The following LRP5 variants were observed in gnomAD, a reference collection of about 807,000 sequenced individuals.
LRP5 encodes the protein LDL receptor related protein 5, also known as low-density lipoprotein receptor-related protein 5.
Under a neutral mutation model 154.1 loss-of-function variants are expected in LRP5, and 62 were observed. The observed-to-expected ratio is 0.40, with a 90% CI of 0.33 to 0.50. The LOEUF (loss-of-function observed/expected upper bound fraction) is 0.50, where lower values mean the gene tolerates loss of function less well. Among genes scored for constraint, LRP5 ranks in the 20% least tolerant of loss-of-function variants. The probability of loss-of-function intolerance (pLI) is 0.55; values close to 1 mark genes in which losing one functional copy is unlikely to be tolerated. For synonymous variants in LRP5, 966 were observed against 1,011.5 expected, an observed-to-expected ratio of 0.96 and a Z score of 0.85; for missense variants, 1,915 against 2,336.7, an observed-to-expected ratio of 0.82 and a Z score of 3.72.
chr11:68,383,689 G>A (rs1203714857), intron 5 of LRP5, among the ~76,000 whole-genome samples: 1 of 152,246 alleles, frequency 6.6e-6, no homozygotes, highest in Non-Finnish European at 1.5e-5. Flanking sequence ...GAGAGCAGGG[G>A]GCTTGTGCCA....
intron 1 of LRP5, among the ~76,000 whole-genome samples, chr11:68,328,979 A>G (rs2098601256): frequency 6.6e-6 from 1 of 152,132 alleles, no homozygotes; most frequent in South Asian, 2.1e-4. Context: ...GGGGTACCTG[A>G]GGGATCCGTG....
rs192473358 is a variant in LRP5, at chr11:68,391,454, G to T, written c.1584+1402G>T. Among the ~76,000 whole-genome samples the T allele has an allele frequency of 1.8e-4, 27 of 152,360 alleles. No individual in the cohort carries two copies. In the East Asian group the frequency reaches 4.2e-3, roughly 24 times the overall value. On this transcript the variant is annotated intron_variant, in intron 7 of 22. Transcript: ENST00000294304. ...AGTCCTTGTTGACGTCACCATCGGG[G>T]TCACCTTTGCTCTCCTCAGGGCTCC...
rs527384209 is a variant in LRP5, at chr11:68,383,613, C to T, written c.1016-2703C>T. On this transcript the variant is annotated intron_variant, in intron 5 of 22. Transcript: ENST00000294304. ...CAGCAGGCCCCAGAGGTTTCGGTCT[C>T]GGATTCTCCCTGCTCATCCCTGGAT... is the stretch of plus-strand genomic sequence containing the variant. Among the ~76,000 whole-genome samples, 240 of 152,348 alleles carry T rather than the reference C, an allele frequency of 1.6e-3. 1 individual carries two copies. The highest frequency in any genetic ancestry group is 5.1e-3 in the African/African-American group (212 of 41,580).
chr11:68,389,593 C>T (rs1395314767), intron 6 of LRP5, among the ~76,000 whole-genome samples: 1 of 149,412 alleles, frequency 6.7e-6, no homozygotes, highest in African/African-American at 2.5e-5. Flanking sequence ...CCAACACTGA[C>T]ATTTACCGAC....
chr11:68,449,216 G>A lies in LRP5; in HGVS notation c.*146G>A. ...AATGTGAACTGTGATGGGGTGGGCA[G>A]GGCTGGGAGAACTTTGTACAGTGGA... On this transcript the variant is annotated 3_prime_UTR_variant, in exon 23 of 23. Transcript: ENST00000294304. 1 of 507,388 alleles carries A rather than the reference G, an allele frequency of 2.0e-6. No individual in the cohort carries two copies. The highest frequency in any genetic ancestry group is 3.2e-6 in the Non-Finnish European group (1 of 307,902). 31.4% of individuals were successfully genotyped at this position (507,388 alleles called of 1,614,324 possible). A position where few individuals can be genotyped will look rare whatever the true frequency, so the allele number is the denominator to read the frequency against.
intron 5 of LRP5, among the ~76,000 whole-genome samples, chr11:68,369,036 C>T (rs1854874712): frequency 6.6e-6 from 1 of 152,064 alleles, no homozygotes. Context: ...TGGGGTTTCA[C>T]CATGTTGGCT....
chr11:68,443,544 CATATATATATATATATATATATATATAT>C (rs1157048489), intron 21 of LRP5, among the ~76,000 whole-genome samples: 2 of 22,328 alleles, frequency 9.0e-5, no homozygotes, highest in African/African-American at 3.5e-4. Context: ...TCTTTTATGG[CATATATATATATATATATATATATATAT>C]ATATATATAT....
intron 8 of LRP5, chr11:68,404,055 A>T (rs550543495): frequency 3.1e-4 from 139 of 443,568 alleles, no homozygotes; most frequent in Non-Finnish European, 5.3e-4. Context: ...GAGCCGTGCA[A>T]CTCACAGGTG....
intron 4 of LRP5, among the ~76,000 whole-genome samples, chr11:68,364,438 T>C (rs1490740543): frequency 2.0e-5 from 3 of 151,840 alleles, no homozygotes; most frequent in African/African-American, 7.3e-5. Flanking sequence ...CCCAGGCTTG[T>C]CTCAAACTCC....
intron 11 of LRP5, among the ~76,000 whole-genome samples, chr11:68,412,170 A>G (rs936259706): frequency 1.3e-5 from 2 of 152,142 alleles, no homozygotes; most frequent in Non-Finnish European, 2.9e-5. Context: ...AAAAAAACCT[A>G]TCCCAAGTCA....
chr11:68,372,074 G>T (rs1193631193), intron 5 of LRP5, among the ~76,000 whole-genome samples: 1 of 152,238 alleles, frequency 6.6e-6, no homozygotes, highest in East Asian at 1.9e-4. Context: ...TGTGCTGGTG[G>T]GACTTGTGCC....
At chr11:68,426,933 C>T (rs1782319414) in intron 16 of LRP5, among the ~76,000 whole-genome samples, 2 of 152,138 alleles carry the variant, frequency 1.3e-5, no homozygotes, top group African/African-American at 2.4e-5. Flanking sequence ...GGTTATTGGT[C>T]GGGGACCACT....
At position 68,347,854 on chromosome 11, in the gene LRP5, G is replaced by A. The variant is rs375594120; in HGVS notation, c.99G>A (p.Pro33=). 8 of 1,613,170 alleles carry A rather than the reference G, an allele frequency of 5.0e-6. No homozygotes were observed. Among genetic ancestry groups the A allele is most frequent in the East Asian group, 4.5e-5 (2 of 44,902 alleles). ...CGCPAPAAAS[P]LLLFANRRDV... is the part of the protein sequence containing the mutation. Reference sequence around the variant, plus strand: ...TTTGCTTCTGCCCCACAGCCTCGCCGCTCCTGCTATTTGCCAACCGCCGGG... The same window carrying A: ...TTTGCTTCTGCCCCACAGCCTCGCCACTCCTGCTATTTGCCAACCGCCGGG... Residue 33 remains proline, a synonymous_variant, in exon 2 of 23, where the codon CCG becomes CCA. Transcript: ENST00000294304.
chr11:68,443,585 A>ATATATAT (rs1259673892), intron 21 of LRP5, among the ~76,000 whole-genome samples: 1 of 24,848 alleles, frequency 4.0e-5, no homozygotes, highest in Admixed American at 7.7e-4. Context: ...ATATATATAT[A>ATATATAT]TTTTTTTTTT....
At chr11:68,357,264 A>C (rs1370171193) in intron 2 of LRP5, among the ~76,000 whole-genome samples, 1 of 152,078 alleles carries the variant, frequency 6.6e-6, no homozygotes, top group Non-Finnish European at 1.5e-5. Context: ...CCACTAAATA[A>C]TATTCCATCC....
At chr11:68,357,951 T>G in intron 3 of LRP5, 104 bp downstream of exon 3, 1 of 1,137,504 alleles carries the variant, frequency 8.8e-7, no homozygotes. Context: ...TCTGAAACTC[T>G]GGGGCCCTGA....
chr11:68,375,300 C>T lies in LRP5; in HGVS notation c.1015+9598C>T, dbSNP rs543914933. On this transcript the variant is annotated intron_variant, in intron 5 of 22. Transcript: ENST00000294304. ...CCCCAAGTCTGCTGAGCTGACACCTCGGGCTGCCGCTCACCTGCAGAGAGA... is the reference window on the plus strand; with the variant it reads ...CCCCAAGTCTGCTGAGCTGACACCTTGGGCTGCCGCTCACCTGCAGAGAGA... Among the ~76,000 whole-genome samples the T allele has an allele frequency of 9.8e-5, 15 of 152,340 alleles. No homozygotes were observed. In the South Asian group the frequency reaches 2.3e-3, roughly 23 times the overall value.
rs544242555 is a variant in LRP5 at position 68,436,974 on chromosome 11, C to T, written c.4086C>T (p.Ile1362=). ...AGTGCGACTCCTTCCCCGACTGTAT[C>T]GACGGCTCCGACGAGCTCATGTGTG... ...KQQCDSFPDC[I]DGSDELMCEI... is the part of the protein sequence containing the mutation. The change falls in exon 19 of 23, where the codon ATC becomes ATT. Residue 1362 remains isoleucine, a synonymous_variant. Transcript: ENST00000294304. 2.5e-5 allele frequency: 40 copies of T among 1,613,628 alleles called. No individual in the cohort carries two copies. Among genetic ancestry groups the T allele is most frequent in the South Asian group, 9.9e-5 (9 of 91,068 alleles).
At chr11:68,417,005 T>A (rs2098662941) in intron 13 of LRP5, among the ~76,000 whole-genome samples, 1 of 152,124 alleles carries the variant, frequency 6.6e-6, no homozygotes, top group Non-Finnish European at 1.5e-5. Context: ...ATCAATGACA[T>A]GTAAGAAAAG....
Sources: gnomAD v4.1 joint callset for allele counts (sites outside exome capture counted in the v4.1 genomes callset) on GRCh38, gnomAD v4.1.1 for gene constraint, MANE v1.5 for transcripts, NCBI Gene and HGNC (gene_info 2026-07-23, HGNC 2026-07-21) for gene names.